SUPT3H: variants seen among roughly 807,000 people sequenced by gnomAD.
SUPT3H encodes the protein SPT3 homolog, SAGA and STAGA complex component.
In SUPT3H, 44 loss-of-function variants were observed where a neutral mutation model predicts 44.3. The ratio of observed to expected loss-of-function variants is 0.99; its 90% CI spans 0.78 to 1.28. The LOEUF (loss-of-function observed/expected upper bound fraction) is 1.28. Among genes scored for constraint, SUPT3H ranks in the 50% most tolerant of loss-of-function variants. SUPT3H has a pLI of 0.00. For synonymous variants in SUPT3H, 124 were observed against 125.6 expected (o/e 0.99, Z 0.09); for missense variants, 380 against 387.1 (o/e 0.98, Z 0.15).
intron 10 of SUPT3H, among the ~76,000 whole-genome samples, chr6:44,867,763 C>T (rs1219075205): frequency 1.3e-5 from 2 of 152,198 alleles, no homozygotes; most frequent in Non-Finnish European, 2.9e-5. Flanking sequence ...CTGGCTTAGG[C>T]AGGCCTTATG....
At chr6:45,048,119 A>G (rs1004640448) in intron 3 of SUPT3H, among the ~76,000 whole-genome samples, 1 of 147,020 alleles carries the variant, frequency 6.8e-6, no homozygotes, top group Non-Finnish European at 1.5e-5. Flanking sequence ...AAAGTGTATT[A>G]TTTTCTTACT....
intron 2 of SUPT3H, among the ~76,000 whole-genome samples, chr6:45,285,623 G>C (rs1318714374): frequency 1.3e-5 from 2 of 152,150 alleles, no homozygotes; most frequent in African/African-American, 4.8e-5. Context: ...AACATTCCAT[G>C]CTCATGGGTA....
intron 2 of SUPT3H, among the ~76,000 whole-genome samples, chr6:45,146,791 A>AT (rs1806154759): frequency 6.6e-6 from 1 of 152,034 alleles, no homozygotes; most frequent in Non-Finnish European, 1.5e-5. Flanking sequence ...AAGTGGTAAG[A>AT]TTTTCTTTAT....
chr6:44,895,254 GTT>G (rs60637782), intron 10 of SUPT3H, among the ~76,000 whole-genome samples: 104,673 of 119,414 alleles, frequency 0.88, 46,369 homozygotes, highest in East Asian at 0.97. Flanking sequence ...ACTTAGTCTT[GTT>G]TTTTTTTTTT....
chr6:44,966,027 T>C (rs536082165), intron 6 of SUPT3H, among the ~76,000 whole-genome samples: 248 of 152,226 alleles, frequency 1.6e-3, no homozygotes, highest in African/African-American at 5.7e-3. Flanking sequence ...TGTAATCCAA[T>C]TTTACAAATC....
intron 2 of SUPT3H, among the ~76,000 whole-genome samples, chr6:45,219,541 G>A (rs981000699): frequency 2.0e-5 from 3 of 152,012 alleles, no homozygotes; most frequent in African/African-American, 7.2e-5. Flanking sequence ...GAAGAAACAA[G>A]CCAATTCCTT....
intron 10 of SUPT3H, among the ~76,000 whole-genome samples, chr6:44,877,093 C>A (rs368661414): frequency 6.6e-6 from 1 of 152,144 alleles, no homozygotes. Context: ...ATGTAGCCTT[C>A]TTTACTCCTT....
chr6:44,946,126 T>A (rs12525773), intron 9 of SUPT3H, among the ~76,000 whole-genome samples: 1 of 152,034 alleles, frequency 6.6e-6, no homozygotes, highest in Admixed American at 6.6e-5. Context: ...CATGGCTTAC[T>A]GAATATTTTA....
chr6:45,067,615 A>G (rs1254887818), intron 3 of SUPT3H, among the ~76,000 whole-genome samples: 4 of 151,216 alleles, frequency 2.6e-5, no homozygotes, highest in Admixed American at 2.6e-4. Context: ...ACAAATTTAC[A>G]AGAAAAAAAA....
rs546449392 is a variant in SUPT3H at position 45,272,748 on chromosome 6, T to A, written c.101+92453A>T. Among the ~76,000 whole-genome samples the A allele has an allele frequency of 2.0e-5, 3 of 151,910 alleles. No individual in the cohort carries two copies. In the East Asian group the frequency reaches 5.9e-4, roughly 30 times the overall value. On this transcript the variant is annotated intron_variant, in intron 2 of 10. Coordinates refer to ENST00000371459, the MANE Select transcript of SUPT3H (RefSeq NM_003599.4). ...AAGGATTCTAGCTTTACCAGGCATTTTTTTTTCTGCTAAAGCTTTGGCTGA... is the reference window on the plus strand; with the variant it reads ...AAGGATTCTAGCTTTACCAGGCATTATTTTTTCTGCTAAAGCTTTGGCTGA...
intron 2 of SUPT3H, among the ~76,000 whole-genome samples, chr6:45,218,418 C>T (rs749743026): frequency 6.6e-6 from 1 of 152,084 alleles, no homozygotes; most frequent in Non-Finnish European, 1.5e-5. Context: ...TTTCAAAAGC[C>T]CTATCTCAAC....
intron 2 of SUPT3H, among the ~76,000 whole-genome samples, chr6:45,170,306 A>G (rs1810563540): frequency 6.6e-6 from 1 of 152,218 alleles, no homozygotes; most frequent in African/African-American, 2.4e-5. Context: ...ATTAAAGACA[A>G]TTAAAAACTT....
At chr6:44,949,527 A>G (rs1034532606) in intron 9 of SUPT3H, among the ~76,000 whole-genome samples, 1 of 152,274 alleles carries the variant, frequency 6.6e-6, no homozygotes, top group East Asian at 1.9e-4. Flanking sequence ...AAAATATGTG[A>G]AAAATATGTG....
intron 3 of SUPT3H, among the ~76,000 whole-genome samples, chr6:45,021,138 G>C (rs562068301): frequency 4.6e-5 from 7 of 151,918 alleles, no homozygotes; most frequent in Non-Finnish European, 8.8e-5. Context: ...GTCTTCAGTG[G>C]GTAAAGGATT....
rs144771358 is a variant in SUPT3H at position 45,184,462 on chromosome 6, G to A, written c.102-78456C>T. On this transcript the variant is annotated intron_variant, in intron 2 of 10. Coordinates refer to ENST00000371459, the MANE Select transcript of SUPT3H (RefSeq NM_003599.4). ...CCAAATATTACTCCACTATAATAAT[G>A]AGATTTAATTTTATTTTTGAGTGCT... Among the ~76,000 whole-genome samples the A allele has an allele frequency of 3.9e-4, 60 of 152,128 alleles. No individual in the cohort carries two copies. The East Asian group carries it at 0.011, about 29-fold the overall frequency.
intron 2 of SUPT3H, among the ~76,000 whole-genome samples, chr6:45,291,712 G>C (rs562192514): frequency 6.6e-6 from 1 of 152,116 alleles, no homozygotes; most frequent in Admixed American, 6.6e-5. Flanking sequence ...TGAAGACAAG[G>C]TCTTCTAATT....
chr6:45,182,285 G>C (rs532341270), intron 2 of SUPT3H, among the ~76,000 whole-genome samples: 2 of 152,278 alleles, frequency 1.3e-5, no homozygotes, highest in South Asian at 4.1e-4. Context: ...TTAAGAGACA[G>C]AGTCTCACTG....
intron 9 of SUPT3H, among the ~76,000 whole-genome samples, chr6:44,934,362 G>A (rs1357367445): frequency 6.6e-6 from 1 of 152,104 alleles, no homozygotes; most frequent in Non-Finnish European, 1.5e-5. Flanking sequence ...TCATTAATGA[G>A]GGATTGGTTA....
intron 3 of SUPT3H, among the ~76,000 whole-genome samples, chr6:45,060,826 G>C (rs1449692919): frequency 1.3e-5 from 2 of 152,054 alleles, no homozygotes; most frequent in African/African-American, 2.4e-5. Flanking sequence ...ACATTCTTGT[G>C]GCAAACAAAC....
Sources: allele counts gnomAD v4.1 joint callset (sites outside exome capture counted in the v4.1 genomes callset), GRCh38; gene constraint gnomAD v4.1.1; transcripts MANE v1.5; gene names NCBI Gene and HGNC (gene_info 2026-07-23, HGNC 2026-07-21).